The following PCNX2 variants were observed in gnomAD, a reference collection of about 807,000 sequenced individuals.
PCNX2 encodes the protein pecanex 2, also known as pecanex-like protein 2.
In PCNX2, 168 loss-of-function variants were observed where a neutral mutation model predicts 223.8. That is an observed-to-expected ratio of 0.75 (90% CI 0.66 to 0.85). The LOEUF (loss-of-function observed/expected upper bound fraction) is 0.85. Ranked by LOEUF, PCNX2 falls within the 40% of genes least tolerant of loss-of-function variation. PCNX2 has a pLI of 0.00. For synonymous variants in PCNX2, 1,006 were observed against 1,052.6 expected, an observed-to-expected ratio of 0.96 and a Z score of 0.86; for missense variants, 2,507 against 2,675.5, an observed-to-expected ratio of 0.94 and a Z score of 1.39.
chr1:233,302,535 A>G, the PCNX2 span, among the ~76,000 whole-genome samples: 2 of 150,956 alleles, frequency 1.3e-5, no homozygotes, highest in African/African-American at 4.9e-5. Flanking sequence ...AATTTTGTCA[A>G]TTTATGTTCT....
At chr1:233,090,424 A>G (rs1023247192) in intron 22 of PCNX2, among the ~76,000 whole-genome samples, 1 of 152,196 alleles carries the variant, frequency 6.6e-6, no homozygotes, top group African/African-American at 2.4e-5. Context: ...AAATCTCAGC[A>G]GTCTTAGTCT....
intron 32 of PCNX2, among the ~76,000 whole-genome samples, chr1:232,993,252 G>A (rs1376871814): frequency 6.6e-6 from 1 of 152,204 alleles, no homozygotes; most frequent in Non-Finnish European, 1.5e-5. Flanking sequence ...GGCTGAGGAG[G>A]TCTCAGATGA....
chr1:233,005,358 GC>G (rs1670243269), intron 28 of PCNX2, among the ~76,000 whole-genome samples: 1 of 152,158 alleles, frequency 6.6e-6, no homozygotes, highest in South Asian at 2.1e-4. Context: ...CCTAGTGTTT[GC>G]CCAGCTGCGT....
chr1:233,170,831 T>C (rs1679105692), intron 17 of PCNX2, among the ~76,000 whole-genome samples: 2 of 152,246 alleles, frequency 1.3e-5, no homozygotes, highest in African/African-American at 4.8e-5. Context: ...ATTTGGAAGC[T>C]ACATGCTTTG....
chr1:233,306,705 C>T, the PCNX2 span, among the ~76,000 whole-genome samples: 313 of 152,274 alleles, frequency 2.1e-3, 1 homozygote, highest in Non-Finnish European at 3.4e-3. Context: ...ATCTGACCAC[C>T]TTCACATGAT....
chr1:233,205,786 T>C (rs777932501), intron 13 of PCNX2, among the ~76,000 whole-genome samples: 5 of 152,332 alleles, frequency 3.3e-5, no homozygotes, highest in Non-Finnish European at 7.3e-5. Flanking sequence ...TGCCTCTAAA[T>C]GCCAGACACT....
chr1:233,021,829 T>C (rs960798852), intron 26 of PCNX2, among the ~76,000 whole-genome samples: 1 of 152,188 alleles, frequency 6.6e-6, no homozygotes, highest in Non-Finnish European at 1.5e-5. Flanking sequence ...GATCCTGGAT[T>C]TGTCAAATGG....
Position 233,090,211 on chromosome 1 carries a change from C to CA in PCNX2, c.3947-22dup, listed in dbSNP as rs3215688. 3,122 of 1,305,242 alleles carry CA rather than the reference C, an allele frequency of 2.4e-3. 1 individual carries two copies. Among genetic ancestry groups the CA allele is most frequent in the Admixed American group, 4.1e-3 (179 of 43,338 alleles). The allele number at this position is 1,305,242 out of a possible 1,614,324, so 80.9% of individuals were successfully genotyped here. On this transcript the variant is annotated intron_variant, in intron 22 of 33. Coordinates refer to ENST00000258229, the MANE Select transcript of PCNX2 (RefSeq NM_014801.4). ...AGAATCTGAGAATGTTGAGTTAAGGCAAAAAAAAAAATTATGATTCTTAGA... is the reference window on the plus strand; with the variant it reads ...AGAATCTGAGAATGTTGAGTTAAGGCAAAAAAAAAAAATTATGATTCTTAGA...
chr1:233,109,535 G>T (rs1206899634), intron 21 of PCNX2, among the ~76,000 whole-genome samples: 1 of 152,214 alleles, frequency 6.6e-6, no homozygotes, highest in Non-Finnish European at 1.5e-5. Flanking sequence ...CACAGATATA[G>T]AAGGCTTTCT....
chr1:233,005,822 C>T (rs1291324397), intron 28 of PCNX2, among the ~76,000 whole-genome samples: 1 of 152,182 alleles, frequency 6.6e-6, no homozygotes, highest in African/African-American at 2.4e-5. Flanking sequence ...TGACAGGCTC[C>T]CACCCTCAGG....
upstream of PCNX2, chr1:233,295,746 T>C: frequency 2.9e-6 from 1 of 349,076 alleles, no homozygotes; most frequent in Non-Finnish European, 5.0e-6. The surrounding 1 kb of genome is among the most constrained non-coding windows in gnomAD (Gnocchi z 4.1). Flanking sequence ...CCCATCGTGC[T>C]CAGAGGCGGC....
At chr1:233,290,179 TAG>T (rs1272494496) in intron 1 of PCNX2, among the ~76,000 whole-genome samples, 1 of 151,698 alleles carries the variant, frequency 6.6e-6, no homozygotes, top group African/African-American at 2.4e-5. Context: ...TATGAAGGAG[TAG>T]AATAATCCAA....
At chr1:233,003,087 A>G (rs1284234462) in intron 28 of PCNX2, among the ~76,000 whole-genome samples, 1 of 152,246 alleles carries the variant, frequency 6.6e-6, no homozygotes, top group African/African-American at 2.4e-5. Flanking sequence ...TTCAGGACAT[A>G]GGCATGGGCA....
chr1:233,187,752 G>C (rs185749790), intron 15 of PCNX2, among the ~76,000 whole-genome samples: 121 of 152,250 alleles, frequency 7.9e-4, no homozygotes, highest in Admixed American at 2.2e-3. Flanking sequence ...ATGGCAGAAA[G>C]CACGAGCTGG....
chr1:233,155,114 C>T (rs1466748668), intron 19 of PCNX2, among the ~76,000 whole-genome samples: 1 of 151,476 alleles, frequency 6.6e-6, no homozygotes. Flanking sequence ...TATGGGGCTC[C>T]AGCTAAAGTG....
At chr1:233,214,799 T>A (rs1682023491) in intron 12 of PCNX2, among the ~76,000 whole-genome samples, 1 of 152,230 alleles carries the variant, frequency 6.6e-6, no homozygotes, top group South Asian at 2.1e-4. Flanking sequence ...ATCAAACTAA[T>A]TTCTTTTGAG....
chr1:233,023,422 C>A (rs1463516136), intron 26 of PCNX2, among the ~76,000 whole-genome samples: 1 of 152,214 alleles, frequency 6.6e-6, no homozygotes. Context: ...CATTAACAGA[C>A]TGCTGATGCA....
At chr1:233,292,123 A>G in intron 1 of PCNX2, 2 of 764,632 alleles carry the variant, frequency 2.6e-6, no homozygotes, top group Non-Finnish European at 1.6e-6. Flanking sequence ...AATTAATAAT[A>G]AAAATATTTA....
intron 19 of PCNX2, among the ~76,000 whole-genome samples, chr1:233,144,309 T>C (rs1315706578): frequency 1.3e-5 from 2 of 152,224 alleles, no homozygotes; most frequent in Non-Finnish European, 2.9e-5. Flanking sequence ...CTCAACAACC[T>C]TATCTTCCTT....
Sources: gnomAD v4.1 joint callset for allele counts (sites outside exome capture counted in the v4.1 genomes callset) on GRCh38, gnomAD v4.1.1 for gene constraint, Gnocchi (gnomAD v3.1) non-coding constraint, MANE v1.5 for transcripts, NCBI Gene and HGNC (gene_info 2026-07-23, HGNC 2026-07-21) for gene names.